PDE1A: variants seen among roughly 807,000 people sequenced by gnomAD.
PDE1A encodes the protein dual specificity calcium/calmodulin-dependent 3',5'-cyclic nucleotide phosphodiesterase 1A.
PDE1A carries 35 observed loss-of-function variants against 61.7 expected under a neutral mutation model. The ratio of observed to expected loss-of-function variants is 0.57; its 90% CI spans 0.43 to 0.75. The LOEUF (loss-of-function observed/expected upper bound fraction) is 0.75, where lower values mean the gene tolerates loss of function less well. Ranked by LOEUF, PDE1A falls within the 30% of genes least tolerant of loss-of-function variation. The pLI is 0.00. For missense variants in PDE1A, 597 were observed against 630.6 expected (o/e 0.95, Z 0.57); for synonymous variants, 232 against 213.2 (o/e 1.09, Z -0.77).
intron 2 of PDE1A, among the ~76,000 whole-genome samples, chr2:182,495,898 T>C (rs1364219765): frequency 6.6e-6 from 1 of 152,214 alleles, no homozygotes; most frequent in Non-Finnish European, 1.5e-5. Flanking sequence ...AGTTATCTAA[T>C]CTGGAGTGTC....
the PDE1A span, among the ~76,000 whole-genome samples, chr2:182,549,367 A>G: frequency 6.6e-6 from 1 of 152,166 alleles, no homozygotes; most frequent in Non-Finnish European, 1.5e-5. Flanking sequence ...CACAAAACCA[A>G]TAATTCTAAA....
intron 2 of PDE1A, 152 bp from the exon 3 acceptor site, chr2:182,240,444 A>G (rs951339666): frequency 2.6e-5 from 13 of 493,264 alleles, no homozygotes; most frequent in Middle Eastern, 5.2e-4. Context: ...AAAAAAATTC[A>G]TTAACATTTG....
intron 2 of PDE1A, among the ~76,000 whole-genome samples, chr2:182,451,766 G>A (rs931870001): frequency 1.3e-5 from 2 of 152,072 alleles, no homozygotes; most frequent in Non-Finnish European, 2.9e-5. Context: ...GAGTTGTGCA[G>A]TACCGCTTCC....
At chr2:182,662,294 T>A in the PDE1A span, among the ~76,000 whole-genome samples, 2 of 119,354 alleles carry the variant, frequency 1.7e-5, no homozygotes, top group African/African-American at 6.5e-5. Flanking sequence ...ACCTACATAT[T>A]AAAAGGAAAT....
chr2:182,494,871 T>A (rs1331332055), intron 2 of PDE1A, among the ~76,000 whole-genome samples: 1 of 152,150 alleles, frequency 6.6e-6, no homozygotes, highest in Non-Finnish European at 1.5e-5. Flanking sequence ...TGGTTCCTTC[T>A]AGATGCTGAA....
At chr2:182,691,632 T>C in the PDE1A span, among the ~76,000 whole-genome samples, 1 of 152,162 alleles carries the variant, frequency 6.6e-6, no homozygotes, top group South Asian at 2.1e-4. Flanking sequence ...AAGGACTTCA[T>C]GTCTAAAACA....
the PDE1A span, among the ~76,000 whole-genome samples, chr2:182,570,246 T>C: frequency 4.9e-4 from 75 of 152,180 alleles, 1 homozygote; most frequent in Middle Eastern, 3.4e-3. Context: ...GTAGAGAGTA[T>C]AAAATAGAAA....
chr2:182,325,391 A>G (rs568889642), intron 1 of PDE1A, among the ~76,000 whole-genome samples: 23 of 152,322 alleles, frequency 1.5e-4, no homozygotes, highest in Admixed American at 3.3e-4. Flanking sequence ...GAAAAGCTCT[A>G]TGATACCAGA....
the PDE1A span, among the ~76,000 whole-genome samples, chr2:182,591,411 T>C: frequency 1.3e-5 from 2 of 152,174 alleles, no homozygotes; most frequent in Admixed American, 6.5e-5. Flanking sequence ...TGCAGCAGTA[T>C]TCTGGCAGCA....
At chr2:182,200,072 C>T (rs1038382673) in intron 10 of PDE1A, among the ~76,000 whole-genome samples, 15 of 152,100 alleles carry the variant, frequency 9.9e-5, no homozygotes, top group Non-Finnish European at 1.9e-4. Flanking sequence ...AATGAACAAA[C>T]TTTCAAAATA....
At chr2:182,702,719 T>C in the PDE1A span, among the ~76,000 whole-genome samples, 1 of 152,250 alleles carries the variant, frequency 6.6e-6, no homozygotes. Flanking sequence ...TATTTAGAAC[T>C]CTGATAAATT....
chr2:182,577,390 G>A, the PDE1A span, among the ~76,000 whole-genome samples: 1 of 152,206 alleles, frequency 6.6e-6, no homozygotes, highest in Admixed American at 6.5e-5. Flanking sequence ...TACAAATATA[G>A]AGTCTGATTA....
At chr2:182,498,437 A>G (rs1559516137) in intron 2 of PDE1A, among the ~76,000 whole-genome samples, 1 of 152,178 alleles carries the variant, frequency 6.6e-6, no homozygotes, top group African/African-American at 2.4e-5. Flanking sequence ...TATTTTTTTA[A>G]AAAGGCAAAA....
chr2:182,394,239 G>GC (rs1466359638), intron 1 of PDE1A, among the ~76,000 whole-genome samples: 2 of 152,186 alleles, frequency 1.3e-5, no homozygotes, highest in Non-Finnish European at 2.9e-5. Flanking sequence ...CTGTTAGGTT[G>GC]CGGGGGGCCT....
chr2:182,607,922 C>T, the PDE1A span, among the ~76,000 whole-genome samples: 1 of 152,206 alleles, frequency 6.6e-6, no homozygotes, highest in Non-Finnish European at 1.5e-5. Flanking sequence ...ACTAACAAGA[C>T]CCTTCAGAGT....
intron 4 of PDE1A, among the ~76,000 whole-genome samples, chr2:182,232,211 G>A (rs1157342142): frequency 2.6e-5 from 4 of 152,072 alleles, no homozygotes; most frequent in Non-Finnish European, 5.9e-5. Context: ...AGGAGAGTGA[G>A]CAGGGATATA....
chr2:182,353,178 A>C (rs1698987252), intron 1 of PDE1A, among the ~76,000 whole-genome samples: 1 of 152,200 alleles, frequency 6.6e-6, no homozygotes, highest in Non-Finnish European at 1.5e-5. Context: ...AAGTGAAATT[A>C]TGTTCTGTTT....
intron 2 of PDE1A, among the ~76,000 whole-genome samples, chr2:182,501,612 G>C (rs1689086506): frequency 6.6e-6 from 1 of 152,184 alleles, no homozygotes; most frequent in African/African-American, 2.4e-5. Flanking sequence ...TCTTGTGTAA[G>C]CTTGTCTAAT....
chr2:182,189,095 G>T (rs772794339), intron 10 of PDE1A, 35 bp from the exon 11 acceptor site: 2 of 1,437,700 alleles, frequency 1.4e-6, no homozygotes, highest in Admixed American at 1.8e-5. Context: ...ATAGACTTGG[G>T]TTGGAGAAGC....
Sources: allele counts gnomAD v4.1 joint callset (sites outside exome capture counted in the v4.1 genomes callset), GRCh38; gene constraint gnomAD v4.1.1; transcripts MANE v1.5; gene names NCBI Gene and HGNC (gene_info 2026-07-23, HGNC 2026-07-21).